The following ZNF266 variants were observed in gnomAD, a reference collection of about 807,000 sequenced individuals.
ZNF266 encodes zinc finger protein 1.
ZNF266 carries 16 observed loss-of-function variants against 16.4 expected under a neutral mutation model. The ratio of observed to expected loss-of-function variants is 0.98; its 90% confidence interval spans 0.66 to 1.48. The LOEUF (loss-of-function observed/expected upper bound fraction) is 1.48. Among genes scored for constraint, ZNF266 ranks in the 40% most tolerant of loss-of-function variants. ZNF266 has a pLI of 0.00. For synonymous variants in ZNF266, 262 were observed against 237.9 expected, an observed-to-expected ratio of 1.10 and a Z score of -0.93; for missense variants, 738 against 689.1, an observed-to-expected ratio of 1.07 and a Z score of -0.79.
In ZNF266 at chr19:9,413,441, T is replaced by A. The variant is rs2068508906; in HGVS notation, c.1685A>T (p.Lys562Ile). ...IHTGEKPYKC[K>I]QCGKSFSYSN... is the part of the protein sequence containing the mutation. ...GTAACTGAAGGATTTCCCACACTGT[T>A]TACATTTGTAGGGTTTTTCTCCAGT... The change falls in exon 11 of 11, where the codon AAA (lysine) becomes ATA (isoleucine). Residue 562 changes from lysine (K) to isoleucine (I), a missense_variant. By Grantham distance (102) the Lys-to-Ile change is moderately radical. Coordinates refer to ENST00000592904, the MANE Select transcript of ZNF266 (RefSeq NM_001370374.1). The A allele has an allele frequency of 6.2e-7, 1 of 1,613,930 alleles. No homozygotes were observed. The highest frequency in any genetic ancestry group is 1.7e-5 in the Admixed American group (1 of 59,976).
intron 5 of ZNF266, among the ~76,000 whole-genome samples, chr19:9,424,617 A>G (rs2070452558): frequency 1.3e-5 from 2 of 152,228 alleles, no homozygotes; most frequent in African/African-American, 4.8e-5. Context: ...TCTGCTTGTT[A>G]TACGTATGTG....
In ZNF266 at chr19:9,412,794, T is replaced by C. The variant is rs2068442220; in HGVS notation, c.*481A>G. ...TGTATCCTTCCTTCAGTTTCCCTTA[T>C]AGGGACACCAGTGATGTCAGATTAG... On this transcript the variant is annotated 3_prime_UTR_variant, in exon 11 of 11. Coordinates refer to ENST00000592904, the MANE Select transcript of ZNF266 (RefSeq NM_001370374.1). 1 of 157,118 alleles carries C rather than the reference T, an allele frequency of 6.4e-6. No homozygotes were observed. The highest frequency in any genetic ancestry group is 2.4e-5 in the African/African-American group (1 of 41,470). 9.7% of individuals were successfully genotyped at this position (157,118 alleles called of 1,614,324 possible). A position where few individuals can be genotyped will look rare whatever the true frequency, so the allele number is the denominator to read the frequency against.
chr19:9,433,182 T>C (rs1429018724), intron 5 of ZNF266, among the ~76,000 whole-genome samples: 1 of 152,166 alleles, frequency 6.6e-6, no homozygotes, highest in Non-Finnish European at 1.5e-5. Flanking sequence ...CCTACTGGAA[T>C]TTGATTTTTT....
intron 9 of ZNF266, among the ~76,000 whole-genome samples, chr19:9,417,187 G>A (rs988956188): frequency 3.3e-5 from 5 of 151,620 alleles, no homozygotes; most frequent in Admixed American, 3.3e-4. Context: ...CGTGGCCAAT[G>A]TGGTGAAACC....
intron 5 of ZNF266, among the ~76,000 whole-genome samples, chr19:9,426,358 CTGAT>C (rs1449559049): frequency 6.6e-6 from 1 of 152,006 alleles, no homozygotes; most frequent in Non-Finnish European, 1.5e-5. Flanking sequence ...GGGAAAGAAA[CTGAT>C]TGTCTTGAGG....
chr19:9,417,690 G>A (rs561708865), intron 9 of ZNF266, 138 bp downstream of exon 9: 53 of 601,016 alleles, frequency 8.8e-5, no homozygotes, highest in Admixed American at 3.4e-4. Context: ...GGAGGTTGCA[G>A]TGAGCTGAGA....
chr19:9,427,117 G>C (rs1053500984), intron 5 of ZNF266, among the ~76,000 whole-genome samples: 8 of 152,058 alleles, frequency 5.3e-5, no homozygotes, highest in African/African-American at 1.2e-4. Flanking sequence ...TATCCCTACT[G>C]CTTCTCTATT....
At chr19:9,420,865 C>T (rs58900528) in intron 5 of ZNF266, 85,403 of 151,948 alleles carry the variant, frequency 0.56, 24,232 homozygotes, top group Middle Eastern at 0.63. Flanking sequence ...GACTTGAACA[C>T]AGGCAATTTT....
rs986308076 is a variant in ZNF266 at position 9,412,620 on chromosome 19, C to G, written c.*655G>C. On this transcript the variant is annotated 3_prime_UTR_variant, in exon 11 of 11. Coordinates refer to ENST00000592904, the MANE Select transcript of ZNF266 (RefSeq NM_001370374.1). The stretch of plus-strand genomic sequence containing the variant: ...TGATTTAACCAAGAGAAATTTATTG[C>G]CTCACAGTTCTGGAGCCTGGAAGTG... 1 of 152,176 alleles carries G rather than the reference C, an allele frequency of 6.6e-6. No individual in the cohort carries two copies. The highest frequency in any genetic ancestry group is 2.4e-5 in the African/African-American group (1 of 41,428). The allele number at this position is 152,176 out of a possible 1,614,324, so 9.4% of individuals were successfully genotyped here.
chr19:9,415,387 G>A (rs893801802), intron 10 of ZNF266, among the ~76,000 whole-genome samples: 10 of 152,296 alleles, frequency 6.6e-5, no homozygotes, highest in Admixed American at 6.5e-4. Context: ...TCCCTTTTGG[G>A]AATGCTACTT....
chr19:9,416,735 G>A (rs559834245), intron 9 of ZNF266, among the ~76,000 whole-genome samples: 42 of 112,314 alleles, frequency 3.7e-4, no homozygotes, highest in Admixed American at 1.6e-3. Flanking sequence ...TCAGCGGCAC[G>A]ATCTTGGCTC....
intron 5 of ZNF266, among the ~76,000 whole-genome samples, chr19:9,426,414 C>CCTTACCCCT (rs2070752025): frequency 6.6e-6 from 1 of 151,936 alleles, no homozygotes; most frequent in Admixed American, 6.6e-5. Flanking sequence ...GCACTGGGCG[C>CCTTACCCCT]CTTACCCCTC....
rs2068512244 is a variant in ZNF266, at chr19:9,413,469, G to C, written c.1657C>G (p.His553Asp). 1 of 1,613,410 alleles carries C rather than the reference G, an allele frequency of 6.2e-7. No homozygotes were observed. Among genetic ancestry groups the C allele is most frequent in the Non-Finnish European group, 8.5e-7 (1 of 1,179,812 alleles). ...PTCVNLHMRI[H>D]TGEKPYKCKQ... is the part of the protein sequence containing the mutation. ...CATTTGTAGGGTTTTTCTCCAGTGTGGATCCGCATGTGAAGGTTAACACAC... is the reference window on the plus strand; with the variant it reads ...CATTTGTAGGGTTTTTCTCCAGTGTCGATCCGCATGTGAAGGTTAACACAC... Residue 553 changes from histidine (H) to aspartate (D), a missense_variant, in exon 11 of 11, where the codon CAC (histidine) becomes GAC (aspartate). Coordinates refer to ENST00000592904, the MANE Select transcript of ZNF266 (RefSeq NM_001370374.1).
At chr19:9,422,776 G>C (rs1420985186) in intron 5 of ZNF266, among the ~76,000 whole-genome samples, 1 of 102,636 alleles carries the variant, frequency 9.7e-6, no homozygotes, top group East Asian at 2.3e-4. Context: ...AATCTTCCGA[G>C]TGGCAGAACT....
At chr19:9,425,293 G>C (rs1379915858) in intron 5 of ZNF266, among the ~76,000 whole-genome samples, 1 of 152,178 alleles carries the variant, frequency 6.6e-6, no homozygotes, top group Non-Finnish European at 1.5e-5. Context: ...GGCTGTCTCT[G>C]GACTTCCATC....
intron 5 of ZNF266, among the ~76,000 whole-genome samples, chr19:9,427,333 T>C (rs2070901758): frequency 6.6e-6 from 1 of 152,110 alleles, no homozygotes; most frequent in Non-Finnish European, 1.5e-5. Context: ...TTTGTTTTTT[T>C]TTCTGAGATT....
chr19:9,416,714 C>G (rs2069080415), intron 9 of ZNF266, among the ~76,000 whole-genome samples: 1 of 140,310 alleles, frequency 7.1e-6, no homozygotes, highest in Admixed American at 7.2e-5. Flanking sequence ...CTCTCTCACC[C>G]CAGCTGGAGT....
In ZNF266 at chr19:9,426,073, G is replaced by A. The variant is rs75893043; in HGVS notation, c.-129-5855C>T. On this transcript the variant is annotated intron_variant, in intron 5 of 10. Transcript: ENST00000592904. ...TTCACTGGGGAGATGACGGCACCTC[G>A]CTGGCAAGGTTGCTGTTGGGGTCTG... Among the ~76,000 whole-genome samples the A allele has an allele frequency of 1.4e-4, 21 of 152,194 alleles. No homozygotes were observed. In the East Asian group the frequency reaches 3.9e-3, roughly 28 times the overall value.
chr19:9,433,692 C>G lies in ZNF266; in HGVS notation c.-154G>C, dbSNP rs2071988504. On this transcript the variant is annotated 5_prime_UTR_variant, in exon 5 of 11. Coordinates refer to ENST00000592904, the MANE Select transcript of ZNF266 (RefSeq NM_001370374.1). ...CTTTGGCCAGGCACAGTGGCTTATA[C>G]CTGTAATCCCAGCATTTTGGGAGGC... 6.6e-6 allele frequency: 1 copy of G among 151,930 alleles called. No homozygotes were observed. The highest frequency in any genetic ancestry group is 2.4e-5 in the African/African-American group (1 of 41,368). 9.4% of individuals were successfully genotyped at this position (151,930 alleles called of 1,614,324 possible).
Sources: gnomAD v4.1 joint callset for allele counts (sites outside exome capture counted in the v4.1 genomes callset) on GRCh38, gnomAD v4.1.1 for gene constraint, MANE v1.5 for transcripts, NCBI Gene and HGNC (gene_info 2026-07-23, HGNC 2026-07-21) for gene names.